Variants in ARFGEF3 observed in about 807,000 individuals in gnomAD.
ARFGEF3 encodes ARFGEF family member 3, also known as brefeldin A-inhibited guanine nucleotide-exchange protein 3.
A neutral mutation model predicts 221.7 loss-of-function variants in ARFGEF3; 96 were observed. The ratio of observed to expected loss-of-function variants is 0.43; its 90% CI spans 0.37 to 0.51. The LOEUF (loss-of-function observed/expected upper bound fraction) is 0.51, where lower values mean the gene tolerates loss of function less well. Among genes scored for constraint, ARFGEF3 ranks in the 20% least tolerant of loss-of-function variants. The pLI, the probability that ARFGEF3 is intolerant of heterozygous loss-of-function variation, is 0.00. For synonymous variants in ARFGEF3, 1,145 were observed against 1,126.8 expected (o/e 1.02, Z -0.32); for missense variants, 2,410 against 2,789.9 (o/e 0.86, Z 3.07).
rs928134088 is a variant in ARFGEF3 at position 138,334,216 on chromosome 6, G to A, written c.5370G>A (p.Leu1790=). The part of the protein sequence containing the change: ...TAREFDTSPG[L]KCLLKKVSGI... The stretch of plus-strand genomic sequence containing the variant: ...GGGAGTTTGACACCAGCCCCGGGCT[G>A]AAGTGCCTGCTGAAGAAAGTGTCTG... Residue 1790 remains leucine (L), a synonymous_variant, in exon 33 of 34, where the codon CTG becomes CTA. Coordinates refer to ENST00000251691, the MANE Select transcript of ARFGEF3 (RefSeq NM_020340.5). The surrounding 1 kb of genome is among the most constrained non-coding windows in gnomAD (Gnocchi z 5.1). 4 of 1,613,934 alleles carry A rather than the reference G, an allele frequency of 2.5e-6. No individual in the cohort carries two copies.
intron 2 of ARFGEF3, among the ~76,000 whole-genome samples, chr6:138,202,577 A>G (rs117392727): frequency 0.014 from 2,094 of 151,642 alleles, 32 homozygotes; most frequent in Middle Eastern, 0.058. Flanking sequence ...GCTGCCAACC[A>G]TGTTACTACT....
At chr6:138,198,519 A>T (rs1280269074) in intron 2 of ARFGEF3, among the ~76,000 whole-genome samples, 1 of 152,220 alleles carries the variant, frequency 6.6e-6, no homozygotes, top group Non-Finnish European at 1.5e-5. Context: ...AAATTCATCA[A>T]TGTTGGTGTA....
intron 20 of ARFGEF3, 148 bp from the exon 21 acceptor site, chr6:138,296,662 G>A (rs1171055685): frequency 4.4e-6 from 4 of 905,412 alleles, no homozygotes; most frequent in Non-Finnish European, 3.4e-6. Flanking sequence ...CATCCTTCTT[G>A]AATCCAGGGC....
chr6:138,333,361 G>T (rs1041246740), intron 32 of ARFGEF3, among the ~76,000 whole-genome samples: 2 of 152,168 alleles, frequency 1.3e-5, no homozygotes, highest in Admixed American at 6.5e-5. Context: ...GATATCTTTT[G>T]ATGTCACAGT....
intron 27 of ARFGEF3, among the ~76,000 whole-genome samples, chr6:138,318,822 A>T (rs1455795030): frequency 6.6e-6 from 1 of 152,226 alleles, no homozygotes; most frequent in African/African-American, 2.4e-5. Flanking sequence ...CATAGTCTAT[A>T]AAACAAAAAA....
At position 138,292,042 on chromosome 6, in the gene ARFGEF3, G is replaced by C. The variant is rs754805489; in HGVS notation, c.3357G>C (p.Thr1119=). 1 of 1,450,178 alleles carries C rather than the reference G, an allele frequency of 6.9e-7. No individual in the cohort carries two copies. Among genetic ancestry groups the C allele is most frequent in the Non-Finnish European group, 9.1e-7 (1 of 1,104,696 alleles). 89.8% of individuals were successfully genotyped at this position (1,450,178 alleles called of 1,614,324 possible). Residue 1119 remains threonine, a synonymous_variant, in exon 19 of 34, where the codon ACG becomes ACC. Coordinates refer to ENST00000251691, the MANE Select transcript of ARFGEF3 (RefSeq NM_020340.5). The stretch of plus-strand genomic sequence containing the variant: ...CCAAGGTGGTGCTCACCCTCTCCAC[G>C]CAAGCCGACAGGTGCGCGGCGCCGG... The part of the protein sequence containing the change: ...SAAKVVLTLS[T]QADRLFEDAT...
chr6:138,199,760 T>C (rs1358160205), intron 2 of ARFGEF3, among the ~76,000 whole-genome samples: 5 of 152,218 alleles, frequency 3.3e-5, no homozygotes. Flanking sequence ...TTTTATCAGT[T>C]CTAGGAGCTT....
intron 12 of ARFGEF3, among the ~76,000 whole-genome samples, chr6:138,273,168 G>A (rs1340539545): frequency 1.3e-5 from 2 of 152,218 alleles, no homozygotes; most frequent in African/African-American, 2.4e-5. Flanking sequence ...AAGGAAGTGA[G>A]TCTTGCTGTT....
chr6:138,238,363 T>C, intron 5 of ARFGEF3, 146 bp from the exon 6 acceptor site: 1 of 636,306 alleles, frequency 1.6e-6, no homozygotes, highest in Non-Finnish European at 2.4e-6. Context: ...AAAATATATT[T>C]AGTTATATTT....
At chr6:138,239,335 G>A (rs1425440088) in intron 6 of ARFGEF3, among the ~76,000 whole-genome samples, 1 of 152,122 alleles carries the variant, frequency 6.6e-6, no homozygotes, top group Non-Finnish European at 1.5e-5. Context: ...AATGACATTA[G>A]TTATTTGTTC....
rs777169557 is a variant in ARFGEF3, at chr6:138,298,737, C to T, written c.3780C>T (p.Phe1260=). 1.4e-5 allele frequency: 23 copies of T among 1,613,544 alleles called. No individual in the cohort carries two copies. Among genetic ancestry groups the T allele is most frequent in the African/African-American group, 2.7e-5 (2 of 75,050 alleles). Residue 1260 remains phenylalanine, a synonymous_variant, in exon 22 of 34, where the codon TTC becomes TTT. Transcript: ENST00000251691. ...FHFNEALFRP[F]ERIMQLELCD... ...TCAATGAAGCACTCTTCCGACCTTT[C>T]GAGCGCATTATGCAGCTGGAATTGT...
intron 12 of ARFGEF3, among the ~76,000 whole-genome samples, chr6:138,268,469 C>T (rs1778937719): frequency 6.6e-6 from 1 of 152,186 alleles, no homozygotes; most frequent in Admixed American, 6.5e-5. Flanking sequence ...CTTCAGACAG[C>T]TAATATGCCA....
At chr6:138,325,345 T>C (rs1482136320) in intron 31 of ARFGEF3, among the ~76,000 whole-genome samples, 1 of 152,220 alleles carries the variant, frequency 6.6e-6, no homozygotes, top group East Asian at 1.9e-4. Flanking sequence ...GTCTGGCTTC[T>C]TTGGGGCTTT....
chr6:138,241,867 TA>T lies in ARFGEF3; in HGVS notation c.544-1084del, dbSNP rs1778398420. Reference sequence around the variant, plus strand: ...ATATTATCCAGCTTTATTATTGAATTATTTTAGGTAACCTAAGCTATTGTTA... The same window carrying T: ...ATATTATCCAGCTTTATTATTGAATTTTTTAGGTAACCTAAGCTATTGTTA... On this transcript the variant is annotated intron_variant, in intron 6 of 33. Transcript: ENST00000251691. 2.0e-5 allele frequency among the ~76,000 whole-genome samples: 3 copies of T among 152,368 alleles called. No individual in the cohort carries two copies. The South Asian group carries it at 6.2e-4, about 32-fold the overall frequency.
At chr6:138,323,635 C>A (rs66502284) in intron 29 of ARFGEF3, 36 bp from the exon 30 acceptor site, 96,096 of 1,272,124 alleles carry the variant, frequency 0.076, 2,574 homozygotes, top group Non-Finnish European at 0.087. Context: ...ACAACAACAA[C>A]AAAAAAAAAA....
chr6:138,211,493 T>C (rs768824662), intron 4 of ARFGEF3, among the ~76,000 whole-genome samples: 6 of 152,192 alleles, frequency 3.9e-5, no homozygotes, highest in Non-Finnish European at 7.3e-5. Flanking sequence ...ACTGTATCTG[T>C]GCCACTCCTG....
intron 4 of ARFGEF3, among the ~76,000 whole-genome samples, chr6:138,222,144 A>T (rs1016964991): frequency 2.0e-5 from 3 of 152,222 alleles, no homozygotes; most frequent in Non-Finnish European, 2.9e-5. Flanking sequence ...GAGTTGGAAC[A>T]GTGTTGTAGA....
intron 31 of ARFGEF3, among the ~76,000 whole-genome samples, chr6:138,325,926 C>T (rs372936248): frequency 2.0e-5 from 3 of 151,744 alleles, no homozygotes; most frequent in South Asian, 2.1e-4. Context: ...GGTGTGATCT[C>T]GGCTCACAGC....
At chr6:138,197,241 C>T (rs1279818624) in intron 2 of ARFGEF3, among the ~76,000 whole-genome samples, 1 of 152,194 alleles carries the variant, frequency 6.6e-6, no homozygotes, top group African/African-American at 2.4e-5. Context: ...CTGTCTTCCA[C>T]CTCCATATCT....
Sources: gnomAD v4.1 joint callset for allele counts (sites outside exome capture counted in the v4.1 genomes callset) on GRCh38, gnomAD v4.1.1 for gene constraint, Gnocchi (gnomAD v3.1) non-coding constraint, MANE v1.5 for transcripts, NCBI Gene and HGNC (gene_info 2026-07-23, HGNC 2026-07-21) for gene names.